ROR1: variants seen among roughly 807,000 people sequenced by gnomAD.
ROR1 encodes the protein ROR family WNT receptor 1.
A neutral mutation model predicts 78.8 loss-of-function variants in ROR1; 19 were observed. The ratio of observed to expected loss-of-function variants is 0.24; its 90% CI spans 0.17 to 0.35. ROR1 has a LOEUF of 0.35. Among genes scored for constraint, ROR1 ranks in the 10% least tolerant of loss-of-function variants. The probability of loss-of-function intolerance (pLI) is 1.00; values close to 1 mark genes in which losing one functional copy is unlikely to be tolerated. For synonymous variants in ROR1, 386 were observed against 433.6 expected, an observed-to-expected ratio of 0.89 and a Z score of 1.36; for missense variants, 917 against 1,177.8, an observed-to-expected ratio of 0.78 and a Z score of 3.24.
chr1:63,818,928 A>G (rs1644908402), intron 1 of ROR1, among the ~76,000 whole-genome samples: 1 of 152,046 alleles, frequency 6.6e-6, no homozygotes. Flanking sequence ...TCTGCATTTC[A>G]AATTATGCTT....
intron 1 of ROR1, among the ~76,000 whole-genome samples, chr1:63,790,205 A>G (rs1461333521): frequency 6.6e-6 from 1 of 152,196 alleles, no homozygotes; most frequent in Non-Finnish European, 1.5e-5. Flanking sequence ...GATGCTCCTT[A>G]CAGTAGGGTC....
At chr1:63,962,157 G>A (rs980233858) in intron 1 of ROR1, among the ~76,000 whole-genome samples, 3 of 152,180 alleles carry the variant, frequency 2.0e-5, no homozygotes, top group African/African-American at 4.8e-5. Flanking sequence ...CTACTTGGGA[G>A]GCTGAGGTTC....
chr1:64,071,245 T>G (rs1428756755), intron 4 of ROR1, among the ~76,000 whole-genome samples: 1 of 152,120 alleles, frequency 6.6e-6, no homozygotes, highest in East Asian at 1.9e-4. Context: ...AAAGAGGTGA[T>G]GTGTCCTCAT....
intron 4 of ROR1, among the ~76,000 whole-genome samples, chr1:64,118,926 G>A (rs1020650323): frequency 1.2e-4 from 19 of 152,284 alleles, no homozygotes; most frequent in East Asian, 9.7e-4. Context: ...AGTCCAGCAC[G>A]TGGACCATAA....
chr1:63,930,658 T>G (rs1230019123), intron 1 of ROR1, among the ~76,000 whole-genome samples: 2 of 152,206 alleles, frequency 1.3e-5, no homozygotes, highest in Non-Finnish European at 2.9e-5. Context: ...TGTAAGCCAA[T>G]CATATTTCCT....
chr1:64,012,753 G>A (rs919535736), intron 2 of ROR1, among the ~76,000 whole-genome samples: 1 of 152,040 alleles, frequency 6.6e-6, no homozygotes, highest in Non-Finnish European at 1.5e-5. Context: ...TGTTTAAAAC[G>A]TTTCATGGTG....
chr1:63,942,659 A>T (rs1299897570), intron 1 of ROR1, among the ~76,000 whole-genome samples: 2 of 152,172 alleles, frequency 1.3e-5, no homozygotes, highest in African/African-American at 4.8e-5. Flanking sequence ...TGTGCAGCAG[A>T]TACCAGTATG....
intron 1 of ROR1, among the ~76,000 whole-genome samples, chr1:63,922,110 C>T (rs1645659895): frequency 6.6e-6 from 1 of 152,148 alleles, no homozygotes; most frequent in African/African-American, 2.4e-5. Context: ...ATAGAAACCC[C>T]TAGACTATCA....
chr1:64,099,318 C>T (rs568579425), intron 4 of ROR1, among the ~76,000 whole-genome samples: 13 of 152,260 alleles, frequency 8.5e-5, no homozygotes, highest in South Asian at 2.1e-4. Context: ...TCAGTTCTGG[C>T]GATCCTTCCA....
In ROR1 at chr1:64,137,358, C is replaced by G; in HGVS notation, c.483-11C>G. ...GTGCATCAGCTAATGTCTGTCTATG[C>G]TTTCTTTCAGAGATGAGTATGAAGA... On this transcript the variant is annotated splice_polypyrimidine_tract_variant and intron_variant, in intron 4 of 8. Coordinates refer to ENST00000371079, the MANE Select transcript of ROR1 (RefSeq NM_005012.4). 6.2e-7 allele frequency: 1 copy of G among 1,613,670 alleles called. No individual in the cohort carries two copies. Among genetic ancestry groups the G allele is most frequent in the East Asian group, 2.2e-5 (1 of 44,862 alleles).
chr1:64,021,488 T>C (rs963195499), intron 2 of ROR1, among the ~76,000 whole-genome samples: 1 of 152,188 alleles, frequency 6.6e-6, no homozygotes, highest in Non-Finnish European at 1.5e-5. Flanking sequence ...CTATTATACC[T>C]GACACTTCCT....
intron 4 of ROR1, among the ~76,000 whole-genome samples, chr1:64,051,457 A>AAAAAAAAAATAAAAT (rs1359777733): frequency 5.2e-5 from 4 of 76,728 alleles, no homozygotes; most frequent in African/African-American, 1.2e-4. Context: ...CTCAAAAATA[A>AAAAAAAAAATAAAAT]AAAATAAAAT....
chr1:63,850,873 A>G (rs1473007019), intron 1 of ROR1, among the ~76,000 whole-genome samples: 1 of 152,162 alleles, frequency 6.6e-6, no homozygotes, highest in African/African-American at 2.4e-5. Context: ...CTGGGGCCCA[A>G]TTTACAGTAG....
chr1:63,838,059 A>G (rs1173947974), intron 1 of ROR1, among the ~76,000 whole-genome samples: 1 of 152,106 alleles, frequency 6.6e-6, no homozygotes, highest in Admixed American at 6.5e-5. Context: ...GGTGTAAACA[A>G]ACCTGCCCTG....
intron 1 of ROR1, among the ~76,000 whole-genome samples, chr1:63,908,603 C>T (rs1049481024): frequency 1.3e-5 from 2 of 152,164 alleles, no homozygotes; most frequent in African/African-American, 4.8e-5. Context: ...CTGTTGAGAA[C>T]CCATCTTTAC....
intron 8 of ROR1, among the ~76,000 whole-genome samples, chr1:64,164,188 C>T (rs1021231476): frequency 6.6e-6 from 1 of 152,150 alleles, no homozygotes; most frequent in African/African-American, 2.4e-5. Flanking sequence ...CTCTAGCTCC[C>T]CCTTGAGTGT....
intron 1 of ROR1, among the ~76,000 whole-genome samples, chr1:63,899,465 A>G (rs1014901593): frequency 2.6e-5 from 4 of 152,092 alleles, no homozygotes; most frequent in African/African-American, 9.7e-5. Flanking sequence ...TCAAAACGAT[A>G]TTAATATGCC....
In ROR1 at chr1:64,092,297, G is replaced by C. The variant is rs550016392; in HGVS notation, c.482+41581G>C. Among the ~76,000 whole-genome samples, 76 of 152,292 alleles carry C rather than the reference G, an allele frequency of 5.0e-4. 1 individual carries two copies. The highest frequency in any genetic ancestry group is 1.8e-3 in the African/African-American group (76 of 41,576). ...GTGGTTTCAAAAATCTTCTGGGAAT[G>C]ATCCCATGTTATATAATAATGAGAA... is the stretch of plus-strand genomic sequence containing the variant. On this transcript the variant is annotated intron_variant, in intron 4 of 8. Coordinates refer to ENST00000371079, the MANE Select transcript of ROR1 (RefSeq NM_005012.4).
intron 4 of ROR1, among the ~76,000 whole-genome samples, chr1:64,101,467 T>C (rs774430513): frequency 9.2e-5 from 14 of 151,500 alleles, no homozygotes; most frequent in Non-Finnish European, 1.9e-4. Flanking sequence ...GGGGAGGAGG[T>C]AGAGACATAA....
Sources: allele counts gnomAD v4.1 joint callset (sites outside exome capture counted in the v4.1 genomes callset), GRCh38; gene constraint gnomAD v4.1.1; transcripts MANE v1.5; gene names NCBI Gene and HGNC (gene_info 2026-07-23, HGNC 2026-07-21).